ALDH1A2: variants seen among roughly 807,000 people sequenced by gnomAD.
ALDH1A2 encodes the protein retinal dehydrogenase 2.
In ALDH1A2, 27 loss-of-function variants were observed where a neutral mutation model predicts 60.3. That is an observed-to-expected ratio of 0.45 (90% CI 0.33 to 0.62). ALDH1A2 has a LOEUF of 0.62. Ranked by LOEUF, ALDH1A2 falls within the 20% of genes least tolerant of loss-of-function variation. ALDH1A2 has a pLI of 0.02. For missense variants in ALDH1A2, 581 were observed against 643.8 expected (o/e 0.90, Z 1.06); for synonymous variants, 289 against 232.4 (o/e 1.24, Z -2.21).
intron 10 of ALDH1A2, 108 bp from the exon 11 acceptor site, chr15:57,961,402 G>T: frequency 7.4e-7 from 1 of 1,352,290 alleles, no homozygotes; most frequent in South Asian, 1.2e-5. Flanking sequence ...TGACCTTTAA[G>T]TTTAGCAGTA....
rs542837081 is a variant in ALDH1A2 at position 57,991,847 on chromosome 15, G to T, written c.798+858C>A. 5.9e-5 allele frequency among the ~76,000 whole-genome samples: 9 copies of T among 152,228 alleles called. No individual in the cohort carries two copies. In the South Asian group the frequency reaches 1.7e-3, roughly 28 times the overall value. On this transcript the variant is annotated intron_variant, in intron 7 of 12. Transcript: ENST00000249750. ...TTTGTTCAATGATGATATCATCTGT[G>T]AGGTTCTACTTGAAACAATGAATCA...
chr15:57,957,732 T>C (rs1893575822), intron 12 of ALDH1A2, among the ~76,000 whole-genome samples: 1 of 152,196 alleles, frequency 6.6e-6, no homozygotes, highest in African/African-American at 2.4e-5. Context: ...TCAGTCAGTA[T>C]TGGTAGCTCT....
At chr15:58,020,866 G>C (rs1895909012) in intron 1 of ALDH1A2, among the ~76,000 whole-genome samples, 1 of 152,060 alleles carries the variant, frequency 6.6e-6, no homozygotes, top group Admixed American at 6.6e-5. Context: ...CATGGTGGTG[G>C]ATTTATCAAC....
intron 1 of ALDH1A2, among the ~76,000 whole-genome samples, chr15:58,061,459 C>A (rs952719291): frequency 6.6e-6 from 1 of 151,084 alleles, no homozygotes; most frequent in Non-Finnish European, 1.5e-5. Flanking sequence ...ATAGAAAAAT[C>A]AAAAATAGCC....
chr15:58,025,785 C>A (rs536379863), intron 1 of ALDH1A2, among the ~76,000 whole-genome samples: 11 of 152,210 alleles, frequency 7.2e-5, no homozygotes, highest in Admixed American at 2.0e-4. Context: ...CTTACAATCA[C>A]GGCAGAATGT....
rs765383469 is a variant in ALDH1A2 at position 58,010,222 on chromosome 15, A to G, written c.493+427T>C. Among the ~76,000 whole-genome samples, 157 of 152,278 alleles carry G rather than the reference A, an allele frequency of 1.0e-3. 1 individual carries two copies. The highest frequency in any genetic ancestry group is 1.6e-3 in the Non-Finnish European group (106 of 68,010). On this transcript the variant is annotated intron_variant, in intron 4 of 12. Transcript: ENST00000249750. ...TCAGCCATAATCTCACCACTCAGAG[A>G]CAACTGTTAACACTTAGAATATTTC...
At chr15:58,050,988 A>C (rs1896761814) in intron 1 of ALDH1A2, among the ~76,000 whole-genome samples, 1 of 152,188 alleles carries the variant, frequency 6.6e-6, no homozygotes, top group Admixed American at 6.5e-5. Context: ...ACAGGAGACT[A>C]AACATTTGCT....
At chr15:58,064,868 AAAGT>A (rs1284034858) in intron 1 of ALDH1A2, among the ~76,000 whole-genome samples, 14 of 152,172 alleles carry the variant, frequency 9.2e-5, no homozygotes, top group Non-Finnish European at 1.8e-4. Context: ...TAAAAAAAAA[AAAGT>A]AAGTTCTTCA....
chr15:58,010,293 G>A (rs1444406195), intron 4 of ALDH1A2, among the ~76,000 whole-genome samples: 1 of 152,102 alleles, frequency 6.6e-6, no homozygotes, highest in South Asian at 2.1e-4. Context: ...CAAGGAGCAA[G>A]TCTTAACCTC....
chr15:58,014,088 T>G (rs773509612), intron 2 of ALDH1A2, 89 bp downstream of exon 2: 1 of 1,613,822 alleles, frequency 6.2e-7, no homozygotes, highest in Non-Finnish European at 8.5e-7. Flanking sequence ...AGCATGAGCA[T>G]GTAGTGGTGT....
At chr15:58,026,646 G>A (rs559422290) in intron 1 of ALDH1A2, among the ~76,000 whole-genome samples, 3 of 152,264 alleles carry the variant, frequency 2.0e-5, no homozygotes, top group South Asian at 2.1e-4. Flanking sequence ...GTACGTGGAG[G>A]AACAGTACAC....
At chr15:57,967,406 T>TC in intron 7 of ALDH1A2, among the ~76,000 whole-genome samples, 1 of 152,258 alleles carries the variant, frequency 6.6e-6, no homozygotes, top group East Asian at 1.9e-4. Context: ...AGCTGGGGCC[T>TC]CCCTTTTCTT....
chr15:58,019,257 C>A (rs1313302449), intron 1 of ALDH1A2, among the ~76,000 whole-genome samples: 1 of 152,176 alleles, frequency 6.6e-6, no homozygotes, highest in Admixed American at 6.5e-5. Context: ...GATTCAACAT[C>A]TTCACAAGAG....
At chr15:58,003,855 C>A (rs1484955906) in intron 4 of ALDH1A2, among the ~76,000 whole-genome samples, 1 of 151,836 alleles carries the variant, frequency 6.6e-6, no homozygotes, top group African/African-American at 2.4e-5. Context: ...TATTTATCAT[C>A]ATAATTAGGC....
At chr15:57,988,036 CACAA>C (rs1244518469) in intron 7 of ALDH1A2, among the ~76,000 whole-genome samples, 2 of 152,052 alleles carry the variant, frequency 1.3e-5, no homozygotes, top group Non-Finnish European at 2.9e-5. Context: ...GGGCCTACAA[CACAA>C]ACAAGGAAGG....
At chr15:58,031,009 T>C (rs1423404220) in intron 1 of ALDH1A2, among the ~76,000 whole-genome samples, 3 of 152,182 alleles carry the variant, frequency 2.0e-5, no homozygotes, top group African/African-American at 4.8e-5. Context: ...AATGACTTTC[T>C]TCAAAGAACT....
chr15:58,013,785 C>T, intron 3 of ALDH1A2, 73 bp downstream of exon 3: 1 of 1,552,798 alleles, frequency 6.4e-7, no homozygotes, highest in Non-Finnish European at 8.7e-7. Context: ...AAATAAAATA[C>T]AGCCGAAGAA....
In ALDH1A2 at chr15:58,061,595, C is replaced by CAAAAAAAAAAAAA. The variant is rs879500544; in HGVS notation, c.117+3926_117+3938dup. 2.8e-3 allele frequency among the ~76,000 whole-genome samples: 120 copies of CAAAAAAAAAAAAA among 43,186 alleles called. 1 individual carries two copies. The highest frequency in any genetic ancestry group is 3.6e-3 in the Non-Finnish European group (73 of 20,080). 28.3% of individuals were successfully genotyped at this position (43,186 alleles called of 152,430 possible). A position where few individuals can be genotyped will look rare whatever the true frequency, so the allele number is the denominator to read the frequency against. ...ATATAAAGATTTAAACTCCTTCCCT[C>CAAAAAAAAAAAAA]AAAAAAAAAAAAAACAAAAAAAAAA... On this transcript the variant is annotated intron_variant, in intron 1 of 12. Transcript: ENST00000249750.
chr15:58,060,463 C>CTTTTTTTT (rs35187901), intron 1 of ALDH1A2, among the ~76,000 whole-genome samples: 155 of 87,490 alleles, frequency 1.8e-3, no homozygotes, highest in African/African-American at 2.1e-3. Flanking sequence ...CCACACATAT[C>CTTTTTTTT]TTTTTTTTTT....
Sources: allele counts gnomAD v4.1 joint callset (sites outside exome capture counted in the v4.1 genomes callset), GRCh38; gene constraint gnomAD v4.1.1; transcripts MANE v1.5; gene names NCBI Gene and HGNC (gene_info 2026-07-23, HGNC 2026-07-21).